IGSF11: variants seen among roughly 807,000 people sequenced by gnomAD.
IGSF11 encodes immunoglobulin superfamily member 11.
A neutral mutation model predicts 41.0 loss-of-function variants in IGSF11; 22 were observed. The observed-to-expected ratio is 0.54, with a 90% CI of 0.38 to 0.77. IGSF11 has a LOEUF of 0.77. Ranked by LOEUF, IGSF11 falls within the 30% of genes least tolerant of loss-of-function variation. IGSF11 has a pLI of 0.00. For synonymous variants in IGSF11, 219 were observed against 201.3 expected (o/e 1.09, Z -0.74); for missense variants, 444 against 530.8 (o/e 0.84, Z 1.61).
intron 4 of IGSF11, among the ~76,000 whole-genome samples, chr3:118,916,173 C>A (rs1299485989): frequency 6.6e-6 from 1 of 150,672 alleles, no homozygotes; most frequent in African/African-American, 2.5e-5. Context: ...TAAAGACCAT[C>A]GAGACTAGGA....
intron 1 of IGSF11, among the ~76,000 whole-genome samples, chr3:119,092,252 G>A (rs1334252971): frequency 3.3e-5 from 5 of 152,186 alleles, no homozygotes; most frequent in African/African-American, 1.2e-4. Context: ...AAATATTATA[G>A]TAAGCTAAGA....
chr3:119,128,274 T>C (rs1576831823), intron 1 of IGSF11, among the ~76,000 whole-genome samples: 1 of 151,726 alleles, frequency 6.6e-6, no homozygotes, highest in Non-Finnish European at 1.5e-5. Flanking sequence ...AGGAGAATTG[T>C]TTGAATCTGG....
intron 1 of IGSF11, among the ~76,000 whole-genome samples, chr3:119,047,475 A>G (rs1012761779): frequency 3.3e-5 from 5 of 152,218 alleles, no homozygotes; most frequent in African/African-American, 1.2e-4. Flanking sequence ...CACCCAATAC[A>G]GGAGCACCCT....
chr3:118,916,325 A>G (rs1054536973), intron 4 of IGSF11, among the ~76,000 whole-genome samples: 3 of 152,194 alleles, frequency 2.0e-5, no homozygotes, highest in African/African-American at 7.2e-5. Context: ...TTGGATAAAG[A>G]GTCAAGACCC....
intron 1 of IGSF11, among the ~76,000 whole-genome samples, chr3:118,993,469 C>T (rs574516421): frequency 3.2e-4 from 48 of 152,162 alleles, no homozygotes; most frequent in African/African-American, 1.2e-3. Flanking sequence ...AACAGAGTTG[C>T]CAATTCTGTA....
intron 1 of IGSF11, among the ~76,000 whole-genome samples, chr3:119,028,359 A>T (rs1223567048): frequency 6.6e-6 from 1 of 152,180 alleles, no homozygotes; most frequent in Non-Finnish European, 1.5e-5. Context: ...TATTTCTAGA[A>T]AAGTGTCTCC....
chr3:118,921,935 T>C (rs539567427), intron 4 of IGSF11, among the ~76,000 whole-genome samples: 1 of 152,092 alleles, frequency 6.6e-6, no homozygotes, highest in Admixed American at 6.6e-5. Context: ...ATTCATACTA[T>C]TTCAAAGAAT....
chr3:118,973,027 A>G (rs551749988), intron 1 of IGSF11, among the ~76,000 whole-genome samples: 2 of 152,184 alleles, frequency 1.3e-5, no homozygotes, highest in Non-Finnish European at 2.9e-5. Flanking sequence ...AATTTCCTCT[A>G]TTATTAATAT....
chr3:118,933,223 G>T (rs1942993715), intron 1 of IGSF11, among the ~76,000 whole-genome samples: 1 of 152,146 alleles, frequency 6.6e-6, no homozygotes, highest in Non-Finnish European at 1.5e-5. Context: ...TACAAATCGG[G>T]TTTAAAATGT....
chr3:119,047,779 G>C lies in IGSF11; in HGVS notation c.49+57365C>G, dbSNP rs1445527022. Among the ~76,000 whole-genome samples, 3 of 151,978 alleles carry C rather than the reference G, an allele frequency of 2.0e-5. No homozygotes were observed. The South Asian group carries it at 6.3e-4, about 32-fold the overall frequency. On this transcript the variant is annotated intron_variant, in intron 1 of 6. Coordinates refer to the IGSF11 transcript ENST00000354673. ...TCTCCTCAGCAAATGTAAAAGAACA[G>C]AAATTATAACAAACTATCTCTCAGA...
chr3:119,117,231 G>C (rs2077270136), intron 1 of IGSF11, among the ~76,000 whole-genome samples: 1 of 152,086 alleles, frequency 6.6e-6, no homozygotes, highest in African/African-American at 2.4e-5. Context: ...TTGGTAAGAT[G>C]GGGGAGGGGG....
rs115083826 is a variant in IGSF11, at chr3:119,083,993, A to C, written c.49+21151T>G. 3.2e-3 allele frequency among the ~76,000 whole-genome samples: 494 copies of C among 152,286 alleles called. 3 individuals carry two copies. Among genetic ancestry groups the C allele is most frequent in the African/African-American group, 0.012 (483 of 41,570 alleles). On this transcript the variant is annotated intron_variant, in intron 1 of 6. Coordinates refer to the IGSF11 transcript ENST00000354673. ...TTGCCCAAGGACCTTCCAGTGAGAC[A>C]AAATATGGAGATGGAAGACAGTGAT...
intron 1 of IGSF11, among the ~76,000 whole-genome samples, chr3:119,042,246 A>T (rs1040432951): frequency 6.6e-6 from 1 of 152,246 alleles, no homozygotes; most frequent in Admixed American, 6.5e-5. Context: ...GGCAGCCAGC[A>T]GAATCAGAGA....
chr3:118,926,606 G>C (rs1942339040), intron 3 of IGSF11, among the ~76,000 whole-genome samples: 2 of 152,160 alleles, frequency 1.3e-5, no homozygotes, highest in African/African-American at 4.8e-5. Flanking sequence ...AAACATTGCT[G>C]AAAGAGGCCA....
intron 1 of IGSF11, among the ~76,000 whole-genome samples, chr3:119,024,907 C>T (rs899232043): frequency 6.6e-6 from 1 of 152,130 alleles, no homozygotes; most frequent in South Asian, 2.1e-4. Flanking sequence ...CTGCTTTGAA[C>T]TGACCCCTTC....
Position 119,033,090 on chromosome 3 carries a change from T to C in IGSF11, c.52+1441A>G, listed in dbSNP as rs995602871. ...TCAGATGACCTTGCAAGGCTGAGTC[T>C]GCGAATTGTATCAACTCTTTTAAAG... On this transcript the variant is annotated intron_variant, in intron 1 of 6. Transcript: ENST00000393775. 2.6e-5 allele frequency among the ~76,000 whole-genome samples: 4 copies of C among 152,230 alleles called. No homozygotes were observed. In the East Asian group the frequency reaches 5.8e-4, roughly 22 times the overall value.
chr3:119,123,140 C>T (rs1461281341), intron 1 of IGSF11, among the ~76,000 whole-genome samples: 1 of 152,148 alleles, frequency 6.6e-6, no homozygotes, highest in Non-Finnish European at 1.5e-5. Context: ...GAGTCCCAGC[C>T]TGGCACCATT....
chr3:118,961,000 A>T (rs754798975), intron 1 of IGSF11, among the ~76,000 whole-genome samples: 2 of 152,212 alleles, frequency 1.3e-5, no homozygotes, highest in Non-Finnish European at 2.9e-5. Flanking sequence ...CTGCCAAAAC[A>T]GCTGGTTTAA....
chr3:118,978,011 C>T (rs776309536), intron 1 of IGSF11, among the ~76,000 whole-genome samples: 1 of 152,188 alleles, frequency 6.6e-6, no homozygotes, highest in Non-Finnish European at 1.5e-5. Context: ...ACTGCAGCTA[C>T]AGACTGCTGT....
Sources: allele counts gnomAD v4.1 joint callset (sites outside exome capture counted in the v4.1 genomes callset), GRCh38; gene constraint gnomAD v4.1.1; transcripts MANE v1.5; gene names NCBI Gene and HGNC (gene_info 2026-07-23, HGNC 2026-07-21).